SLC36A1: variants seen among roughly 807,000 people sequenced by gnomAD.
SLC36A1 encodes solute carrier family 36 member 1, also known as proton-coupled amino acid transporter 1.
SLC36A1 carries 30 observed loss-of-function variants against 47.5 expected under a neutral mutation model. The ratio of observed to expected loss-of-function variants is 0.63; its 90% CI spans 0.47 to 0.86. The LOEUF is 0.86. Ranked by LOEUF, SLC36A1 falls within the 40% of genes least tolerant of loss-of-function variation. The pLI is 0.00. For synonymous variants in SLC36A1, 255 were observed against 249.7 expected (o/e 1.02, Z -0.20); for missense variants, 517 against 606.0 (o/e 0.85, Z 1.54).
upstream of SLC36A1, among the ~76,000 whole-genome samples, chr5:151,446,928 G>T (rs569660630): frequency 2.7e-4 from 41 of 152,226 alleles, no homozygotes; most frequent in Admixed American, 2.2e-3. Flanking sequence ...TTAGTTGTAT[G>T]TATTTAGGTG....
At chr5:151,554,396 C>T in the SLC36A1 span, 6 of 1,614,048 alleles carry the variant, frequency 3.7e-6, no homozygotes, top group South Asian at 6.6e-5. Context: ...TGTAAAAGTG[C>T]TGCTGGATGA....
chr5:151,534,626 G>A, the SLC36A1 span: 40 of 1,610,308 alleles, frequency 2.5e-5, no homozygotes, highest in Non-Finnish European at 3.4e-5. Context: ...CTAGGGCAGT[G>A]AGTGTGGTCA....
chr5:151,543,594 A>G, the SLC36A1 span: 1 of 1,614,140 alleles, frequency 6.2e-7, no homozygotes, highest in Non-Finnish European at 8.5e-7. Context: ...TGCCATAGGG[A>G]CCACTATCTT....
the SLC36A1 span, chr5:151,550,528 C>T: frequency 6.4e-6 from 10 of 1,559,546 alleles, no homozygotes; most frequent in Non-Finnish European, 8.8e-6. Flanking sequence ...TGTCTCCAAG[C>T]ATGTCCACCC....
chr5:151,423,439 G>A, the SLC36A1 span, among the ~76,000 whole-genome samples: 47 of 152,310 alleles, frequency 3.1e-4, 1 homozygote, highest in East Asian at 8.9e-3. Context: ...CAGGAACAAT[G>A]GAGTATTATT....
intron 1 of SLC36A1, among the ~76,000 whole-genome samples, 178 bp from the exon 2 acceptor site, chr5:151,458,610 C>G (rs1324640715): frequency 6.6e-6 from 1 of 152,140 alleles, no homozygotes; most frequent in Non-Finnish European, 1.5e-5. Flanking sequence ...CAGCCCGCCT[C>G]TGTGTACTTT....
At chr5:151,432,528 C>G (rs2127432155), upstream of SLC36A1, among the ~76,000 whole-genome samples, 1 of 152,280 alleles carries the variant, frequency 6.6e-6, no homozygotes, top group East Asian at 1.9e-4. Context: ...CTTTCAGATC[C>G]CCAAAACTCT....
At chr5:151,534,542 G>A in the SLC36A1 span, 1,357 of 1,614,106 alleles carry the variant, frequency 8.4e-4, 7 homozygotes, top group African/African-American at 0.011. Context: ...GGAGGGTGAT[G>A]TCTGCCTGGC....
chr5:151,436,166 T>A (rs939737964), upstream of SLC36A1, among the ~76,000 whole-genome samples: 10 of 152,200 alleles, frequency 6.6e-5, no homozygotes, highest in Admixed American at 6.5e-4. Context: ...AGTGTACAGT[T>A]GAATGAGTTT....
the SLC36A1 span, chr5:151,522,154 G>A: frequency 7.7e-7 from 1 of 1,301,412 alleles, no homozygotes; most frequent in Non-Finnish European, 1.0e-6. Flanking sequence ...ACTGAGGCTG[G>A]GCCTCCTTGT....
intron 8 of SLC36A1, 111 bp from the exon 9 acceptor site, chr5:151,476,479 G>A: frequency 2.4e-6 from 2 of 836,372 alleles, no homozygotes; most frequent in South Asian, 2.1e-5. Context: ...ATGTGCTTCT[G>A]GAGAATTCTG....
the SLC36A1 span, chr5:151,550,663 C>T: frequency 1.2e-6 from 2 of 1,614,242 alleles, no homozygotes; most frequent in Non-Finnish European, 8.5e-7. Flanking sequence ...GACACCACTG[C>T]TTGGGTCCAG....
At position 151,479,902 on chromosome 5, in the gene SLC36A1, G is replaced by A. The variant is rs139007815; in HGVS notation, c.1159+413G>A. On this transcript the variant is annotated intron_variant, in intron 10 of 10. Coordinates refer to ENST00000243389, the MANE Select transcript of SLC36A1 (RefSeq NM_078483.4). The stretch of plus-strand genomic sequence containing the variant: ...AGTTGTTTTTCCACTGTGACAAGTT[G>A]CTCCTTAGATTTCCTTTAGAGGCTT... 6.3e-4 allele frequency: 328 copies of A among 519,908 alleles called. 1 individual carries two copies. Among genetic ancestry groups the A allele is most frequent in the Admixed American group, 1.8e-3 (48 of 26,724 alleles). 32.2% of individuals were successfully genotyped at this position (519,908 alleles called of 1,614,324 possible). A position where few individuals can be genotyped will look rare whatever the true frequency, so the allele number is the denominator to read the frequency against.
chr5:151,452,037 C>A (rs1056318959), intron 1 of SLC36A1, among the ~76,000 whole-genome samples: 8 of 152,148 alleles, frequency 5.3e-5, no homozygotes, highest in Non-Finnish European at 7.4e-5. Flanking sequence ...TTGACCTTCT[C>A]TAAAGCTATA....
At chr5:151,381,744 T>G in the SLC36A1 span, among the ~76,000 whole-genome samples, 22 of 152,096 alleles carry the variant, frequency 1.4e-4, no homozygotes, top group African/African-American at 4.3e-4. Context: ...CAGCTTTGAC[T>G]CCCTGTGATT....
At chr5:151,438,546 G>A (rs927769710) in intron 1 of SLC36A1, among the ~76,000 whole-genome samples, 2 of 152,194 alleles carry the variant, frequency 1.3e-5, no homozygotes, top group African/African-American at 4.8e-5. Context: ...TGTGTTTAAA[G>A]CTTGTTCTTT....
At chr5:151,529,321 G>A in the SLC36A1 span, 26 of 1,613,854 alleles carry the variant, frequency 1.6e-5, no homozygotes, top group Middle Eastern at 1.7e-4. Flanking sequence ...GAGCTCTTCC[G>A]GCTGCACTCA....
chr5:151,483,645 G>T (rs958756517), intron 10 of SLC36A1, among the ~76,000 whole-genome samples: 1 of 152,152 alleles, frequency 6.6e-6, no homozygotes, highest in Non-Finnish European at 1.5e-5. Context: ...GCCAGAAGGG[G>T]TTTTATTTGC....
chr5:151,350,913 G>T, the SLC36A1 span, among the ~76,000 whole-genome samples: 1 of 152,136 alleles, frequency 6.6e-6, no homozygotes, highest in Non-Finnish European at 1.5e-5. Context: ...GCCCAGGCTG[G>T]TCTTGAATTC....
Sources: gnomAD v4.1 joint callset for allele counts (sites outside exome capture counted in the v4.1 genomes callset) on GRCh38, gnomAD v4.1.1 for gene constraint, MANE v1.5 for transcripts, NCBI Gene and HGNC (gene_info 2026-07-23, HGNC 2026-07-21) for gene names.